Variants in RAD51B observed in about 807,000 individuals in gnomAD.
RAD51B encodes the protein RAD51 paralog B, also known as DNA repair protein RAD51 homolog 2.
A neutral mutation model predicts 42.2 loss-of-function variants in RAD51B; 38 were observed. That is an observed-to-expected ratio of 0.90 (90% CI 0.70 to 1.18). The LOEUF (loss-of-function observed/expected upper bound fraction) is 1.18. Among genes scored for constraint, RAD51B ranks in the 50% most tolerant of loss-of-function variants. The pLI, the probability that RAD51B is intolerant of heterozygous loss-of-function variation, is 0.00. For missense variants in RAD51B, 373 were observed against 400.7 expected, an observed-to-expected ratio of 0.93 and a Z score of 0.59; for synonymous variants, 154 against 145.2, an observed-to-expected ratio of 1.06 and a Z score of -0.43.
chr14:68,338,485 G>A (rs148647192), intron 8 of RAD51B, among the ~76,000 whole-genome samples: 7 of 152,308 alleles, frequency 4.6e-5, no homozygotes, highest in African/African-American at 1.7e-4. Flanking sequence ...TAGCATCAAT[G>A]AATCTAAATT....
At chr14:67,950,986 A>C (rs1387635669) in intron 7 of RAD51B, among the ~76,000 whole-genome samples, 2 of 152,206 alleles carry the variant, frequency 1.3e-5, no homozygotes, top group African/African-American at 4.8e-5. Context: ...GACATCGTAC[A>C]GGAGTGTGGT....
chr14:68,428,717 A>G (rs1387401372), intron 9 of RAD51B, among the ~76,000 whole-genome samples: 2 of 2,314 alleles, frequency 8.6e-4, no homozygotes, highest in African/African-American at 1.6e-3. Context: ...TTATATATAT[A>G]TATATATATA....
Position 67,835,094 on chromosome 14 carries a change from A to T in RAD51B, c.213A>T (p.Lys71Asn), listed in dbSNP as rs2041187204. The change falls in exon 4 of 11, where the codon AAA becomes AAT. Residue 71 changes from lysine to asparagine, a missense_variant. Physicochemically the swap from Lys to Asn is moderately conservative, Grantham distance 94. Transcript: ENST00000471583. ...TTCTTGTTTAGGCTTATGGGATAAA[A>T]GCACAAAGGTCTGCTGATTTCTCAC... The part of the protein sequence containing the change: ...APKMQTAYGI[K>N]AQRSADFSPA... The T allele has an allele frequency of 6.2e-7, 1 of 1,612,714 alleles. No homozygotes were observed. The highest frequency in any genetic ancestry group is 1.3e-5 in the African/African-American group (1 of 75,008).
At chr14:68,446,911 G>A (rs1023506234) in intron 9 of RAD51B, among the ~76,000 whole-genome samples, 1 of 152,112 alleles carries the variant, frequency 6.6e-6, no homozygotes, top group Non-Finnish European at 1.5e-5. Flanking sequence ...GCAACAGAAA[G>A]AATACTAAAT....
chr14:68,680,586 C>T (rs531111796), intron 11 of RAD51B, among the ~76,000 whole-genome samples: 4 of 152,246 alleles, frequency 2.6e-5, no homozygotes, highest in African/African-American at 9.6e-5. Flanking sequence ...ACCACCGTCC[C>T]GTTCCTCTTC....
intron 8 of RAD51B, among the ~76,000 whole-genome samples, chr14:68,325,912 G>A (rs957604660): frequency 6.6e-6 from 1 of 151,834 alleles, no homozygotes; most frequent in African/African-American, 2.4e-5. Context: ...GTCAAGCTCT[G>A]TGCTAGGTCT....
intron 7 of RAD51B, among the ~76,000 whole-genome samples, chr14:68,199,525 A>C (rs1446650392): frequency 6.6e-6 from 1 of 152,192 alleles, no homozygotes; most frequent in Non-Finnish European, 1.5e-5. Flanking sequence ...TCTTTTGTGG[A>C]GTCTATAGGC....
rs2043896762 is a variant in RAD51B, at chr14:67,909,597, C to G, written c.756+22393C>G. 3.9e-5 allele frequency among the ~76,000 whole-genome samples: 6 copies of G among 152,238 alleles called. No individual in the cohort carries two copies. In the South Asian group the frequency reaches 1.2e-3, roughly 32 times the overall value. On this transcript the variant is annotated intron_variant, in intron 7 of 10. Coordinates refer to ENST00000471583, the MANE Select transcript of RAD51B (RefSeq NM_133510.4). The stretch of plus-strand genomic sequence containing the variant: ...AGTTTGATTAAATAAATTATTACAT[C>G]AATTCAATAAAATGCTGTGTAGTCA...
At chr14:68,337,973 T>TA (rs1259468101) in intron 8 of RAD51B, among the ~76,000 whole-genome samples, 2 of 151,984 alleles carry the variant, frequency 1.3e-5, no homozygotes, top group African/African-American at 4.8e-5. Context: ...TGTTTTGTTT[T>TA]AAGAGATGGG....
At chr14:68,492,785 GTC>G in intron 10 of RAD51B, among the ~76,000 whole-genome samples, 1 of 152,126 alleles carries the variant, frequency 6.6e-6, no homozygotes, top group Non-Finnish European at 1.5e-5. Context: ...TTCTACCATT[GTC>G]TCTCCAGGAC....
At chr14:67,896,717 A>G (rs1361447252) in intron 7 of RAD51B, among the ~76,000 whole-genome samples, 1 of 152,170 alleles carries the variant, frequency 6.6e-6, no homozygotes, top group Admixed American at 6.5e-5. Context: ...TTTCAAAGAC[A>G]AAATTTGTTT....
chr14:68,301,954 C>T (rs778520961), intron 8 of RAD51B, among the ~76,000 whole-genome samples: 2 of 152,098 alleles, frequency 1.3e-5, no homozygotes, highest in African/African-American at 4.8e-5. Flanking sequence ...GCTGGATCTC[C>T]ACATCTTAGA....
chr14:67,893,194 A>G, intron 7 of RAD51B, among the ~76,000 whole-genome samples: 1 of 152,122 alleles, frequency 6.6e-6, no homozygotes, highest in East Asian at 1.9e-4. Flanking sequence ...CAGTCTTAAT[A>G]CATTGGCTTT....
chr14:68,680,495 A>G (rs1595061017), intron 11 of RAD51B, among the ~76,000 whole-genome samples: 1 of 152,216 alleles, frequency 6.6e-6, no homozygotes, highest in Admixed American at 6.5e-5. Context: ...ATTTTTAACA[A>G]TGGCTGTGTT....
chr14:68,361,222 A>G (rs960879557), intron 8 of RAD51B, among the ~76,000 whole-genome samples: 1 of 152,306 alleles, frequency 6.6e-6, no homozygotes, highest in Admixed American at 6.5e-5. Context: ...TCAGCCTGCC[A>G]AAGCACCATA....
intron 8 of RAD51B, among the ~76,000 whole-genome samples, chr14:68,347,817 T>C (rs1285977240): frequency 6.6e-6 from 1 of 152,168 alleles, no homozygotes; most frequent in Non-Finnish European, 1.5e-5. Flanking sequence ...CACAGTAAGA[T>C]TGCTTGGGAA....
intron 10 of RAD51B, among the ~76,000 whole-genome samples, chr14:68,523,575 G>A (rs1199602897): frequency 1.3e-5 from 2 of 152,224 alleles, no homozygotes; most frequent in African/African-American, 4.8e-5. Flanking sequence ...AAACTGGATA[G>A]AGGAGCTTTC....
intron 10 of RAD51B, chr14:68,468,998 A>C: frequency 2.6e-6 from 1 of 380,584 alleles, no homozygotes; most frequent in South Asian, 2.0e-5. Flanking sequence ...CTGTTAGAAG[A>C]GTCAGCCCAC....
chr14:68,092,554 C>A (rs946508183), intron 7 of RAD51B, among the ~76,000 whole-genome samples: 1 of 152,126 alleles, frequency 6.6e-6, no homozygotes, highest in Non-Finnish European at 1.5e-5. Flanking sequence ...GATTTTGTAT[C>A]CTGAGACTTT....
Sources: gnomAD v4.1 joint callset for allele counts (sites outside exome capture counted in the v4.1 genomes callset) on GRCh38, gnomAD v4.1.1 for gene constraint, MANE v1.5 for transcripts, NCBI Gene and HGNC (gene_info 2026-07-23, HGNC 2026-07-21) for gene names.